SEMA4F: variants seen among roughly 807,000 people sequenced by gnomAD.
SEMA4F encodes semaphorin-4F.
SEMA4F carries 51 observed loss-of-function variants against 78.4 expected under a neutral mutation model. That is an observed-to-expected ratio of 0.65 (90% confidence interval 0.52 to 0.82). The LOEUF (loss-of-function observed/expected upper bound fraction) is 0.82. Among genes scored for constraint, SEMA4F ranks in the 40% least tolerant of loss-of-function variants. SEMA4F has a pLI of 0.00. For synonymous variants in SEMA4F, 418 were observed against 408.7 expected, an observed-to-expected ratio of 1.02 and a Z score of -0.27; for missense variants, 938 against 1,014.4, an observed-to-expected ratio of 0.92 and a Z score of 1.02.
chr2:74,702,076 T>C, the SEMA4F span, among the ~76,000 whole-genome samples: 1 of 152,184 alleles, frequency 6.6e-6, no homozygotes, highest in Non-Finnish European at 1.5e-5. Flanking sequence ...TCCGAGCCTC[T>C]CAAAAACATT....
intron 1 of SEMA4F, among the ~76,000 whole-genome samples, chr2:74,655,676 A>T (rs1192721662): frequency 6.6e-6 from 1 of 152,182 alleles, no homozygotes; most frequent in Non-Finnish European, 1.5e-5. Context: ...GCATCCAGAG[A>T]TGTCTAGATG....
chr2:74,662,684 G>A (rs1684486664), intron 4 of SEMA4F, 48 bp from the exon 5 acceptor site: 25 of 1,481,032 alleles, frequency 1.7e-5, no homozygotes, highest in East Asian at 1.1e-4. Flanking sequence ...TTCTCACCAT[G>A]AACCTTCCCT....
the SEMA4F span, among the ~76,000 whole-genome samples, chr2:74,696,797 A>G: frequency 2.0e-5 from 3 of 152,368 alleles, no homozygotes; most frequent in East Asian, 1.9e-4. Context: ...CATAAACAAT[A>G]TATCAAGGAG....
At chr2:74,687,438 T>C (rs1685846237), downstream of SEMA4F, among the ~76,000 whole-genome samples, 1 of 152,270 alleles carries the variant, frequency 6.6e-6, no homozygotes, top group African/African-American at 2.4e-5. Context: ...TTTTCCTTCT[T>C]GTTAGATTGC....
At position 74,656,571 on chromosome 2, in the gene SEMA4F, C is replaced by T; in HGVS notation, c.183C>T (p.His61=). 1 of 1,614,182 alleles carries T rather than the reference C, an allele frequency of 6.2e-7. No homozygotes were observed. The highest frequency in any genetic ancestry group is 8.5e-7 in the Non-Finnish European group (1 of 1,180,020). ...DSCLTRFAVP[H]TYNYSVLLVD... is the part of the protein sequence containing the mutation. ...GTCTCACCCGGTTCGCAGTCCCTCA[C>T]ACATACAATTACTCTGTTCTCCTTG... is the stretch of plus-strand genomic sequence containing the variant. The change falls in exon 2 of 14, where the codon CAC becomes CAT. Residue 61 remains histidine, a synonymous_variant. Coordinates refer to ENST00000357877, the MANE Select transcript of SEMA4F (RefSeq NM_004263.5).
the SEMA4F span, among the ~76,000 whole-genome samples, chr2:74,703,771 T>C: frequency 2.0e-5 from 3 of 152,196 alleles, no homozygotes; most frequent in African/African-American, 7.2e-5. Context: ...TCCAAATCTT[T>C]ATAGCATGAA....
chr2:74,656,629 G>T lies in SEMA4F; in HGVS notation c.241G>T (p.Ala81Ser), dbSNP rs371410540. The T allele has an allele frequency of 3.1e-6, 5 of 1,614,106 alleles. No homozygotes were observed. The highest frequency in any genetic ancestry group is 2.2e-5 in the South Asian group (2 of 91,076). Residue 81 changes from alanine to serine, a missense_variant, in exon 2 of 14, where the codon GCC (alanine) becomes TCC (serine). Transcript: ENST00000357877. ...TGCCTCCCACACACTTTATGTTGGC[G>T]CCCGGGACACCATCTTCGCTTTATC... is the stretch of plus-strand genomic sequence containing the variant. ...DPASHTLYVG[A>S]RDTIFALSLP...
chr2:74,679,179 G>T (rs550490375), intron 12 of SEMA4F, 97 bp from the exon 13 acceptor site: 2 of 964,198 alleles, frequency 2.1e-6, no homozygotes, highest in East Asian at 4.8e-5. Flanking sequence ...TTTCTGGGAT[G>T]ATGGGAGATA....
the SEMA4F span, among the ~76,000 whole-genome samples, chr2:74,703,974 A>G: frequency 1.3e-4 from 20 of 152,278 alleles, no homozygotes; most frequent in South Asian, 3.9e-3. Flanking sequence ...AGCCAGGTGT[A>G]AAGTAGGGCT....
chr2:74,701,256 C>T, the SEMA4F span, among the ~76,000 whole-genome samples: 2 of 152,134 alleles, frequency 1.3e-5, no homozygotes, highest in Admixed American at 1.3e-4. Context: ...CACTGTTTAT[C>T]AGTTCCTTCT....
At chr2:74,662,636 G>A in intron 4 of SEMA4F, 96 bp from the exon 5 acceptor site, 1 of 973,730 alleles carries the variant, frequency 1.0e-6, no homozygotes, top group South Asian at 1.3e-5. Context: ...GGAGAGGAAT[G>A]GGAATTGACC....
At chr2:74,683,915 G>A (rs1387688938), downstream of SEMA4F, 1 of 152,146 alleles carries the variant, frequency 6.6e-6, no homozygotes, top group Non-Finnish European at 1.5e-5. Flanking sequence ...AAAACGATCT[G>A]TCTGGAGCAT....
In SEMA4F at chr2:74,674,007, C is replaced by T. The variant is rs190854656; in HGVS notation, c.822+179C>T. Among the ~76,000 whole-genome samples, 7 of 152,308 alleles carry T rather than the reference C, an allele frequency of 4.6e-5. No individual in the cohort carries two copies. The East Asian group carries it at 1.4e-3, about 29-fold the overall frequency. On this transcript the variant is annotated intron_variant, in intron 7 of 13. Transcript: ENST00000357877. ...GAGAGGCTCTGGCCTCTTTGACACG[C>T]ACAATTACCCTTGTGACACACTGTC...
At chr2:74,701,922 A>G in the SEMA4F span, among the ~76,000 whole-genome samples, 1 of 152,180 alleles carries the variant, frequency 6.6e-6, no homozygotes, top group Non-Finnish European at 1.5e-5. Flanking sequence ...CAACCATTCC[A>G]GCCGTTGAGC....
intron 5 of SEMA4F, among the ~76,000 whole-genome samples, chr2:74,663,684 T>C (rs1236214333): frequency 6.6e-6 from 1 of 152,128 alleles, no homozygotes; most frequent in Non-Finnish European, 1.5e-5. Flanking sequence ...ACAGATCTTT[T>C]GTGAACTCAG....
At chr2:74,702,941 A>C in the SEMA4F span, among the ~76,000 whole-genome samples, 9 of 152,342 alleles carry the variant, frequency 5.9e-5, no homozygotes, top group South Asian at 1.9e-3. Context: ...TCATTTTCCC[A>C]TAGATATTGG....
intron 5 of SEMA4F, among the ~76,000 whole-genome samples, chr2:74,664,519 A>G (rs1684586622): frequency 6.6e-6 from 1 of 152,148 alleles, no homozygotes; most frequent in Non-Finnish European, 1.5e-5. Context: ...GGGTGTGAAC[A>G]TTTAATGGCT....
At chr2:74,685,647 G>A (rs1035966715), downstream of SEMA4F, among the ~76,000 whole-genome samples, 2 of 152,118 alleles carry the variant, frequency 1.3e-5, no homozygotes, top group Non-Finnish European at 2.9e-5. Flanking sequence ...TCAAGTCCAT[G>A]CCCAGGGAGG....
At chr2:74,699,338 C>T in the SEMA4F span, among the ~76,000 whole-genome samples, 1 of 152,154 alleles carries the variant, frequency 6.6e-6, no homozygotes, top group East Asian at 1.9e-4. Context: ...AGACTATGGC[C>T]CACTTTACTA....
Sources: gnomAD v4.1 joint callset for allele counts (sites outside exome capture counted in the v4.1 genomes callset) on GRCh38, gnomAD v4.1.1 for gene constraint, MANE v1.5 for transcripts, NCBI Gene and HGNC (gene_info 2026-07-23, HGNC 2026-07-21) for gene names.